The following ARHGEF18 variants were observed in gnomAD, a reference collection of about 807,000 sequenced individuals.
ARHGEF18 encodes rho guanine nucleotide exchange factor 18.
ARHGEF18 carries 93 observed loss-of-function variants against 155.7 expected under a neutral mutation model. That is an observed-to-expected ratio of 0.60 (90% CI 0.50 to 0.71). The LOEUF is 0.71. Among genes scored for constraint, ARHGEF18 ranks in the 30% least tolerant of loss-of-function variants. ARHGEF18 has a pLI of 0.00. For missense variants in ARHGEF18, 1,593 were observed against 1,816.1 expected (o/e 0.88, Z 2.23); for synonymous variants, 742 against 753.1 (o/e 0.99, Z 0.24).
At chr19:7,370,278 G>A (rs1337690254) in intron 2 of ARHGEF18, among the ~76,000 whole-genome samples, 3 of 152,128 alleles carry the variant, frequency 2.0e-5, no homozygotes, top group African/African-American at 4.8e-5. Flanking sequence ...GGTGGATCAC[G>A]AGGTCAGGAG....
At chr19:7,420,374 T>C (rs933939187) in intron 10 of ARHGEF18, among the ~76,000 whole-genome samples, 6 of 152,176 alleles carry the variant, frequency 3.9e-5, no homozygotes, top group Non-Finnish European at 8.8e-5. Context: ...TGCCTCAGCC[T>C]CCTGAGTAGC....
intron 1 of ARHGEF18, among the ~76,000 whole-genome samples, chr19:7,362,323 A>G (rs1179618149): frequency 7.2e-6 from 1 of 139,082 alleles, no homozygotes; most frequent in African/African-American, 3.3e-5. Flanking sequence ...AAGAAGGAAG[A>G]AGGTGGAGGA....
chr19:7,470,029 G>A lies in ARHGEF18; in HGVS notation c.3913G>A (p.Asp1305Asn). The A allele has an allele frequency of 6.2e-7, 1 of 1,612,668 alleles. No individual in the cohort carries two copies. The highest frequency in any genetic ancestry group is 8.5e-7 in the Non-Finnish European group (1 of 1,179,778). Reference sequence around the variant, plus strand: ...CAGACACAGTCCTGCGCCCCCACCAGGTGAGCCCCCACCCCCTGACATGAG... The same window carrying A: ...CAGACACAGTCCTGCGCCCCCACCAAGTGAGCCCCCACCCCCTGACATGAG... ...PGRHSPAPPP[D>N]PGFPAPSPPP... is the part of the protein sequence containing the mutation. Residue 1305 changes from aspartate to asparagine, a missense_variant and splice_region_variant, in exon 28 of 29, where the codon GAC becomes AAC. Coordinates refer to ENST00000668164, the MANE Select transcript of ARHGEF18 (RefSeq NM_001367823.1). This position sits in a 1 kb window ranked among gnomAD's most constrained non-coding sequence, Gnocchi z 5.9.
rs1383519517 is a variant in ARHGEF18, at chr19:7,458,556, G to A, written c.2226G>A (p.Arg742=). 6.2e-6 allele frequency: 10 copies of A among 1,613,994 alleles called. No homozygotes were observed. Among genetic ancestry groups the A allele is most frequent in the African/African-American group, 4.0e-5 (3 of 74,888 alleles). The change falls in exon 19 of 29, where the codon AGG becomes AGA. Residue 742 remains arginine, a synonymous_variant. Coordinates refer to ENST00000668164, the MANE Select transcript of ARHGEF18 (RefSeq NM_001367823.1). ...TCTCGTTACAAAAGCTCATCGTGAG[G>A]GAAGTGGCCAACGAGGAGAAAGCGA... ...PVISLQKLIV[R]EVANEEKAMF... is the part of the protein sequence containing the mutation.
intron 10 of ARHGEF18, among the ~76,000 whole-genome samples, chr19:7,402,769 G>A (rs939201620): frequency 5.9e-5 from 9 of 152,058 alleles, no homozygotes; most frequent in Non-Finnish European, 5.9e-5. Flanking sequence ...CCATGCGCTG[G>A]TCCCTGCCAT....
At chr19:7,450,670 G>A (rs1399298463) in intron 15 of ARHGEF18, among the ~76,000 whole-genome samples, 19 of 151,328 alleles carry the variant, frequency 1.3e-4, no homozygotes, top group Middle Eastern at 3.7e-3. Context: ...GTCCATTTCC[G>A]AGATGTTAAT....
intron 10 of ARHGEF18, among the ~76,000 whole-genome samples, chr19:7,430,888 T>C: frequency 6.6e-6 from 1 of 152,086 alleles, no homozygotes; most frequent in East Asian, 1.9e-4. Flanking sequence ...TCAACCTAAA[T>C]GTTATACTTC....
intron 10 of ARHGEF18, among the ~76,000 whole-genome samples, chr19:7,418,570 A>G (rs1259595104): frequency 6.6e-6 from 1 of 151,972 alleles, no homozygotes; most frequent in African/African-American, 2.4e-5. Context: ...TGCTGGGATT[A>G]CAGGTGTGAG....
chr19:7,440,690 C>T lies in ARHGEF18; in HGVS notation c.1106+208C>T, dbSNP rs1387395064. ...GATGTGTCCCGGGGTGTATTCGGCC[C>T]CTGGTGGAGCCAGTTTGCTTAGTGC... On this transcript the variant is annotated intron_variant, in intron 11 of 28. Transcript: ENST00000668164. This position sits in a 1 kb window ranked among gnomAD's most constrained non-coding sequence, Gnocchi z 5.4. Among the ~76,000 whole-genome samples, 1 of 152,122 alleles carries T rather than the reference C, an allele frequency of 6.6e-6. No individual in the cohort carries two copies. The highest frequency in any genetic ancestry group is 1.5e-5 in the Non-Finnish European group (1 of 68,006).
chr19:7,429,528 G>A (rs934570764), intron 10 of ARHGEF18, among the ~76,000 whole-genome samples: 9 of 152,048 alleles, frequency 5.9e-5, no homozygotes, highest in East Asian at 1.9e-4. Flanking sequence ...GCTTGAACCC[G>A]GGAGGCGGAG....
At chr19:7,431,351 T>A (rs1459878096) in intron 10 of ARHGEF18, among the ~76,000 whole-genome samples, 1 of 151,616 alleles carries the variant, frequency 6.6e-6, no homozygotes, top group Admixed American at 6.6e-5. Flanking sequence ...ACCCCGTCTC[T>A]ACTAAAAATA....
At chr19:7,467,152 C>A (rs1288994057) in intron 25 of ARHGEF18, 34 bp downstream of exon 25, 2 of 1,581,902 alleles carry the variant, frequency 1.3e-6, no homozygotes, top group African/African-American at 2.7e-5. Flanking sequence ...CCACGCGTGC[C>A]CTTTCCTGGT....
intron 10 of ARHGEF18, among the ~76,000 whole-genome samples, chr19:7,398,259 C>T (rs74694619): frequency 0.068 from 10,312 of 151,698 alleles, 938 homozygotes; most frequent in African/African-American, 0.2. Context: ...TTAGTAGAGG[C>T]GGGGTTTCGC....
intron 10 of ARHGEF18, chr19:7,439,785 A>G (rs1974508303): frequency 3.5e-6 from 5 of 1,418,224 alleles, no homozygotes; most frequent in Non-Finnish European, 4.6e-6. Context: ...GAAGCACGCC[A>G]GGCTCACCGT....
At chr19:7,418,429 A>G (rs372061390) in intron 10 of ARHGEF18, among the ~76,000 whole-genome samples, 15 of 152,006 alleles carry the variant, frequency 9.9e-5, no homozygotes, top group East Asian at 9.7e-4. Flanking sequence ...CTAATTTTTT[A>G]CTTTTGGTAG....
chr19:7,371,242 G>A (rs1261714720), intron 2 of ARHGEF18, among the ~76,000 whole-genome samples: 1 of 152,208 alleles, frequency 6.6e-6, no homozygotes, highest in Non-Finnish European at 1.5e-5. Context: ...GTGGGTGCCA[G>A]GGGCTGGGAG....
intron 2 of ARHGEF18, among the ~76,000 whole-genome samples, chr19:7,367,379 T>G (rs10412663): frequency 0.11 from 17,090 of 151,916 alleles, 2,639 homozygotes; most frequent in African/African-American, 0.35. Flanking sequence ...CGAGGTGGGA[T>G]GGTCACTTTA....
chr19:7,356,323 T>C (rs1473303562), intron 1 of ARHGEF18, among the ~76,000 whole-genome samples: 2 of 149,376 alleles, frequency 1.3e-5, no homozygotes, highest in Non-Finnish European at 3.0e-5. Flanking sequence ...GAGGCTGGAG[T>C]GCAGTGGCGC....
At chr19:7,367,056 T>A (rs1316264104) in intron 2 of ARHGEF18, among the ~76,000 whole-genome samples, 1 of 152,098 alleles carries the variant, frequency 6.6e-6, no homozygotes, top group Non-Finnish European at 1.5e-5. Flanking sequence ...GCCACGGCCC[T>A]GGCCCCCTGA....
Sources: allele counts gnomAD v4.1 joint callset (sites outside exome capture counted in the v4.1 genomes callset), GRCh38; gene constraint gnomAD v4.1.1; non-coding constraint Gnocchi (gnomAD v3.1); transcripts MANE v1.5; gene names NCBI Gene and HGNC (gene_info 2026-07-23, HGNC 2026-07-21).